Variants in MAP3K3 observed in about 807,000 individuals in gnomAD.
The protein encoded by MAP3K3 is mitogen-activated protein kinase kinase kinase 3.
MAP3K3 carries 12 observed loss-of-function variants against 80.9 expected under a neutral mutation model. The ratio of observed to expected loss-of-function variants is 0.15; its 90% CI spans 0.10 to 0.24. The LOEUF (loss-of-function observed/expected upper bound fraction) is 0.24. MAP3K3 is among the 10% of genes least tolerant of loss of function. The pLI is 1.00. For missense variants in MAP3K3, 596 were observed against 834.7 expected (o/e 0.71, Z 3.52); for synonymous variants, 272 against 307.1 (o/e 0.89, Z 1.19).
rs140851943 is a variant in MAP3K3 at position 63,662,385 on chromosome 17, A to G, written c.381+4478A>G. ...AGCCAAGATTGCAACACTGCACTCC[A>G]GCCTGGGTGACAGAGTAAGACCCTG... On this transcript the variant is annotated intron_variant, in intron 5 of 15. Transcript: ENST00000361733. 3.1e-3 allele frequency among the ~76,000 whole-genome samples: 478 copies of G among 152,158 alleles called. 2 individuals are homozygous for G. The highest frequency in any genetic ancestry group is 0.011 in the African/African-American group (446 of 41,512).
chr17:63,637,141 G>A (rs1392476295), intron 2 of MAP3K3: 7 of 307,680 alleles, frequency 2.3e-5, no homozygotes, highest in African/African-American at 1.1e-4. Context: ...GCGTGCATGC[G>A]CACGTGTGCA....
intron 6 of MAP3K3, among the ~76,000 whole-genome samples, 157 bp from the exon 7 acceptor site, chr17:63,681,605 CTTTG>C (rs1285635798): frequency 6.6e-6 from 1 of 152,114 alleles, no homozygotes; most frequent in Non-Finnish European, 1.5e-5. Context: ...TAGGAAGGGA[CTTTG>C]TTTGCCTGAG....
At chr17:63,665,165 G>T (rs529662727) in intron 5 of MAP3K3, among the ~76,000 whole-genome samples, 1 of 152,106 alleles carries the variant, frequency 6.6e-6, no homozygotes, top group East Asian at 2.0e-4. Context: ...TTAGCTGGGC[G>T]TGGTGGCACA....
chr17:63,628,404 A>C (rs1352090136), intron 1 of MAP3K3, among the ~76,000 whole-genome samples: 1 of 142,416 alleles, frequency 7.0e-6, no homozygotes, highest in Non-Finnish European at 1.5e-5. Context: ...CTTGTTGCCC[A>C]GGCTGGAGTG....
intron 6 of MAP3K3, among the ~76,000 whole-genome samples, chr17:63,678,333 T>G (rs1311472704): frequency 6.6e-6 from 1 of 152,242 alleles, no homozygotes; most frequent in Non-Finnish European, 1.5e-5. Flanking sequence ...AGAGTAACTT[T>G]AGTTTCTGTT....
chr17:63,630,022 G>A (rs2034184151), intron 1 of MAP3K3, among the ~76,000 whole-genome samples: 1 of 152,140 alleles, frequency 6.6e-6, no homozygotes, highest in Admixed American at 6.5e-5. Context: ...TTCAATATCT[G>A]AGTTGAAAGA....
chr17:63,652,989 A>T (rs143449043), intron 4 of MAP3K3, among the ~76,000 whole-genome samples: 2 of 152,294 alleles, frequency 1.3e-5, no homozygotes, highest in African/African-American at 4.8e-5. Context: ...CCCCCAGCAC[A>T]GCCTTAACAA....
At position 63,673,658 on chromosome 17, in the gene MAP3K3, C is replaced by T. The variant is rs187773190; in HGVS notation, c.502+6598C>T. Among the ~76,000 whole-genome samples, 10 of 152,252 alleles carry T rather than the reference C, an allele frequency of 6.6e-5. 1 individual carries two copies. ...GGGTGCAGTGGCTCATGCCTATAAT[C>T]TTAACACTTTGGGAGGCCAAGGCGG... On this transcript the variant is annotated intron_variant, in intron 6 of 15. Transcript: ENST00000361733.
intron 2 of MAP3K3, among the ~76,000 whole-genome samples, chr17:63,640,955 CCACTGCCTGGGGAGGCAT>C (rs1337780207): frequency 1.3e-5 from 2 of 152,180 alleles, no homozygotes; most frequent in African/African-American, 2.4e-5. Context: ...ACCCCCCACT[CCACTGCCTGGGGAGGCAT>C]CACATGATTT....
intron 6 of MAP3K3, chr17:63,672,879 A>G (rs1398021353): frequency 6.6e-6 from 1 of 152,246 alleles, no homozygotes; most frequent in Admixed American, 6.5e-5. Flanking sequence ...GGTACAGACA[A>G]GACTTTCTGG....
At chr17:63,669,757 A>T (rs183458872) in intron 6 of MAP3K3, among the ~76,000 whole-genome samples, 1 of 152,148 alleles carries the variant, frequency 6.6e-6, no homozygotes, top group Non-Finnish European at 1.5e-5. Context: ...TCAACCTATC[A>T]TGTTGTCTTA....
chr17:63,635,482 G>C (rs1036048104), intron 2 of MAP3K3, among the ~76,000 whole-genome samples: 84 of 152,340 alleles, frequency 5.5e-4, no homozygotes, highest in African/African-American at 1.9e-3. Context: ...AGAATGGCCT[G>C]TCCTGGGAAG....
chr17:63,634,604 A>T, intron 2 of MAP3K3: 1 of 931,684 alleles, frequency 1.1e-6, no homozygotes, highest in Non-Finnish European at 1.7e-6. Flanking sequence ...AAGTAATCTT[A>T]ACAAGAGGTA....
intron 7 of MAP3K3, chr17:63,682,814 T>A (rs1398342479): frequency 6.6e-6 from 1 of 152,246 alleles, no homozygotes; most frequent in Non-Finnish European, 1.5e-5. Context: ...TATTCTATCC[T>A]CTTTGCCATA....
chr17:63,684,055 G>A (rs1231565685), intron 7 of MAP3K3, among the ~76,000 whole-genome samples: 2 of 152,054 alleles, frequency 1.3e-5, no homozygotes, highest in Non-Finnish European at 2.9e-5. Context: ...CCAGCTACTC[G>A]GGAGGCTGAG....
Position 63,692,527 on chromosome 17 carries a change from G to A in MAP3K3, c.1652+108G>A. 3 of 1,190,486 alleles carry A rather than the reference G, an allele frequency of 2.5e-6. No individual in the cohort carries two copies. Among genetic ancestry groups the A allele is most frequent in the Non-Finnish European group, 2.3e-6 (2 of 862,740 alleles). 73.7% of individuals were successfully genotyped at this position (1,190,486 alleles called of 1,614,324 possible). A position where few individuals can be genotyped will look rare whatever the true frequency, so the allele number is the denominator to read the frequency against. On this transcript the variant is annotated intron_variant, in intron 15 of 15. Coordinates refer to ENST00000361733, the MANE Select transcript of MAP3K3 (RefSeq NM_002401.5). The surrounding 1 kb of genome is among the most constrained non-coding windows in gnomAD (Gnocchi z 4.5). ...GGTGTGGCAGGAGGGAGTGTGCCCA[G>A]GGCCCAGGCTGCAGTGTGTGCAAGG...
chr17:63,687,789 A>G (rs1295341744), intron 8 of MAP3K3, among the ~76,000 whole-genome samples: 1 of 142,064 alleles, frequency 7.0e-6, no homozygotes, highest in East Asian at 2.1e-4. Flanking sequence ...AGAGATCGAG[A>G]CCATCTTGGC....
At chr17:63,674,581 T>C (rs187005961) in intron 6 of MAP3K3, among the ~76,000 whole-genome samples, 40 of 152,254 alleles carry the variant, frequency 2.6e-4, no homozygotes, top group Middle Eastern at 3.4e-3. Flanking sequence ...ATTCCTGGTC[T>C]CAAGCAATCC....
In MAP3K3 at chr17:63,634,624, T is replaced by C. The variant is rs1168750557; in HGVS notation, c.126+1822T>C. 4.4e-6 allele frequency: 5 copies of C among 1,125,362 alleles called. No individual in the cohort carries two copies. The African/African-American group carries it at 7.8e-5, about 18-fold the overall frequency. 69.7% of individuals were successfully genotyped at this position (1,125,362 alleles called of 1,614,324 possible). On this transcript the variant is annotated intron_variant, in intron 2 of 15. Transcript: ENST00000361733. Reference sequence around the variant, plus strand: ...ATCTTAACAAGAGGTACTAGATCTTTGGATCCATGATTTACTTCAATGTTG... The same window carrying C: ...ATCTTAACAAGAGGTACTAGATCTTCGGATCCATGATTTACTTCAATGTTG...
Sources: gnomAD v4.1 joint callset for allele counts (sites outside exome capture counted in the v4.1 genomes callset) on GRCh38, gnomAD v4.1.1 for gene constraint, Gnocchi (gnomAD v3.1) non-coding constraint, MANE v1.5 for transcripts, NCBI Gene and HGNC (gene_info 2026-07-23, HGNC 2026-07-21) for gene names.